The following HLA-B variants were observed in gnomAD, a reference collection of about 807,000 sequenced individuals.
HLA-B encodes the protein major histocompatibility complex, class I, B.
A neutral mutation model predicts 41.5 loss-of-function variants in HLA-B; 31 were observed. The observed-to-expected ratio is 0.75, with a 90% CI of 0.56 to 1.01. HLA-B has a LOEUF of 1.01. Ranked by LOEUF, HLA-B falls within the 50% of genes least tolerant of loss-of-function variation. The pLI is 0.00. For missense variants in HLA-B, 369 were observed against 457.2 expected (o/e 0.81, Z 1.76); for synonymous variants, 138 against 189.0 (o/e 0.73, Z 2.21).
chr6:31,355,085 C>T lies in HLA-B; in HGVS notation c.1012+22G>A, dbSNP rs188332111. 8 of 839,726 alleles carry T rather than the reference C, an allele frequency of 9.5e-6. 1 individual carries two copies. The East Asian group carries it at 2.1e-4, about 22-fold the overall frequency. The allele number at this position is 839,726 out of a possible 1,614,324, so 52.0% of individuals were successfully genotyped here. ...CCAGTGGGACAAGAAAACCCAGACC[C>T]CACCCCTCACCCCTTCCCTACCTGA... On this transcript the variant is annotated intron_variant, in intron 5 of 7. Transcript: ENST00000412585.
In HLA-B at chr6:31,356,431, G is replaced by T. The variant is rs12721829; in HGVS notation, c.355C>A (p.Leu119Ile). The change falls in exon 3 of 8, where the codon CTC becomes ATC. Residue 119 changes from leucine (L) to isoleucine (I), a missense_variant. Coordinates refer to ENST00000412585, the MANE Select transcript of HLA-B (RefSeq NM_005514.8). ...ACGTCGCAGCCGTACATGCTCTGGAGGGTGTGAGACCCTGGCCCCGGCCCC... is the reference window on the plus strand; with the variant it reads ...ACGTCGCAGCCGTACATGCTCTGGATGGTGTGAGACCCTGGCCCCGGCCCC... ...YNQSEAGSHT[L>I]QSMYGCDVGP... The T allele has an allele frequency of 0.049, 38,237 of 782,132 alleles. 3,520 individuals carry two copies. The highest frequency in any genetic ancestry group is 0.23 in the South Asian group (8,356 of 35,876). 48.4% of individuals were successfully genotyped at this position (782,132 alleles called of 1,614,324 possible). A position where few individuals can be genotyped will look rare whatever the true frequency, so the allele number is the denominator to read the frequency against.
chr6:31,355,929 G>C lies in HLA-B; in HGVS notation c.619+238C>G, dbSNP rs1766914478. ...TCCCAAGGCTGCTGCAGGGGTCAAAGGGGACCCCTGATCAGTATTCTAGGG... is the reference window on the plus strand; with the variant it reads ...TCCCAAGGCTGCTGCAGGGGTCAAACGGGACCCCTGATCAGTATTCTAGGG... On this transcript the variant is annotated intron_variant, in intron 3 of 7. Transcript: ENST00000412585. The C allele has an allele frequency of 1.3e-5, 7 of 548,408 alleles. 1 individual carries two copies. The highest frequency in any genetic ancestry group is 2.2e-5 in the Non-Finnish European group (7 of 313,234). 34.0% of individuals were successfully genotyped at this position (548,408 alleles called of 1,614,324 possible). A position where few individuals can be genotyped will look rare whatever the true frequency, so the allele number is the denominator to read the frequency against.
Position 31,355,345 on chromosome 6 carries a change from C to T in HLA-B, c.867G>A (p.Gly289=), listed in dbSNP as rs1340265299. ...QRYTCHVQHE[G]LPKPLTLRWE... ...ATCTCAGGGTGAGGGGCTTCGGCAG[C>T]CCCTCATGCTGTACATGGCATGTGT... The change falls in exon 4 of 8, where the codon GGG becomes GGA. Residue 289 remains glycine (G), a synonymous_variant. Transcript: ENST00000412585. The T allele has an allele frequency of 1.3e-6, 2 of 1,583,346 alleles. No homozygotes were observed. The highest frequency in any genetic ancestry group is 1.7e-6 in the Non-Finnish European group (2 of 1,171,658).
In HLA-B at chr6:31,355,497, G is replaced by A. The variant is rs151341350; in HGVS notation, c.715C>T (p.Leu239=). The change falls in exon 4 of 8, where the codon CTG becomes TTG. Residue 239 remains leucine (L), a synonymous_variant. Coordinates refer to ENST00000412585, the MANE Select transcript of HLA-B (RefSeq NM_005514.8). The stretch of plus-strand genomic sequence containing the variant: ...TCCTCGCCATCCCGCTGCCAGGTCA[G>A]TGTGATCTCCGCAGGGTAGAAACCC... ...ALGFYPAEIT[L]TWQRDGEDQT... 5.9e-6 allele frequency: 9 copies of A among 1,525,652 alleles called. No individual in the cohort carries two copies. The Admixed American group carries it at 1.7e-4, about 29-fold the overall frequency. 94.5% of individuals were successfully genotyped at this position (1,525,652 alleles called of 1,614,324 possible). A position where few individuals can be genotyped will look rare whatever the true frequency, so the allele number is the denominator to read the frequency against.
rs746200003 is a variant in HLA-B, at chr6:31,357,125, G to T, written c.34C>A (p.Leu12Met). Residue 12 changes from leucine (L) to methionine (M), a missense_variant, in exon 1 of 8, where the codon CTG becomes ATG. Physicochemically the swap from Leu to Met is conservative, Grantham distance 15 (BLOSUM62 2). This residue lies in a region of HLA-B where 30 missense variants were observed against 20.9 expected (regional missense o/e 1.44). Transcript: ENST00000412585. ...LVMAPRTVLL[L>M]LSAALALTET... ...GTCAGGGCCAGGGCCGCCGAGAGCA[G>T]CAGGAGGACGGTTCGGGGCGCCATG... The T allele has an allele frequency of 3.4e-6, 3 of 892,642 alleles. 1 individual carries two copies. The highest frequency in any genetic ancestry group is 6.2e-5 in the African/African-American group (2 of 32,518). 55.3% of individuals were successfully genotyped at this position (892,642 alleles called of 1,614,324 possible).
intron 3 of HLA-B, chr6:31,355,817 G>A (rs1766902645): frequency 4.5e-6 from 3 of 666,904 alleles, no homozygotes; most frequent in South Asian, 3.0e-5. Context: ...CTGAGTGGAG[G>A]TAAAGTGACT....
chr6:31,355,731 C>A, intron 3 of HLA-B, 139 bp from the exon 4 acceptor site: 1 of 753,830 alleles, frequency 1.3e-6, no homozygotes, highest in Non-Finnish European at 2.2e-6. Context: ...AGCCTGGACG[C>A]AGGCACCTGG....
chr6:31,355,653 ACC>A, intron 3 of HLA-B, 61 bp from the exon 4 acceptor site: 1 of 1,148,506 alleles, frequency 8.7e-7, no homozygotes, highest in Non-Finnish European at 1.2e-6. Context: ...CCCTAGGACC[ACC>A]CATGTGACCA....
chr6:31,357,170 A>G lies in HLA-B; in HGVS notation c.-12T>C, dbSNP rs1330011808. 46 of 863,464 alleles carry G rather than the reference A, an allele frequency of 5.3e-5. 2 individuals carry two copies. The highest frequency in any genetic ancestry group is 4.8e-4 in the African/African-American group (15 of 31,188). 53.5% of individuals were successfully genotyped at this position (863,464 alleles called of 1,614,324 possible). The stretch of plus-strand genomic sequence containing the variant: ...GCCATGACCAGCATCTCGGCGTCTG[A>G]GGAGACTCTGAGTCCGGGTGGGTGC... On this transcript the variant is annotated 5_prime_UTR_variant, in exon 1 of 8. Transcript: ENST00000412585.
chr6:31,354,406 C>T, intron 7 of HLA-B, 73 bp downstream of exon 7: 1 of 431,600 alleles, frequency 2.3e-6, no homozygotes, highest in Admixed American at 4.2e-5. Context: ...TCCCCATTAC[C>T]CAGGCCTTTC....
At chr6:31,356,658 T>A in intron 2 of HLA-B, 30 bp downstream of exon 2, 1 of 1,479,128 alleles carries the variant, frequency 6.8e-7, no homozygotes, top group South Asian at 1.2e-5. Context: ...TGGGGAGTCG[T>A]GACCTGCGCC....
intron 3 of HLA-B, chr6:31,355,907 C>A (rs150394569): frequency 1.8e-6 from 1 of 555,880 alleles, no homozygotes; most frequent in South Asian, 1.8e-5. Context: ...TCACGGTTCC[C>A]AAGGCTGCTG....
At chr6:31,354,807 AGCAAGTGTGGGTCCTGGACC>A in intron 5 of HLA-B, 142 bp from the exon 6 acceptor site, 1 of 455,564 alleles carries the variant, frequency 2.2e-6, no homozygotes. Flanking sequence ...ACACGAGGAA[AGCAAGTGTGGGTCCTGGACC>A]AACTGCCCTC....
At position 31,356,741 on chromosome 6, in the gene HLA-B, G is replaced by C; in HGVS notation, c.290C>G (p.Thr97Ser). The change falls in exon 2 of 8, where the codon ACT (threonine) becomes AGT (serine). Residue 97 changes from threonine to serine, a missense_variant. Physicochemically the swap from Thr to Ser is moderately conservative, Grantham distance 58. Around this residue, in one of 6 missense-constraint regions of HLA-B, gnomAD observed 113 missense variants for 173.2 expected, o/e 0.65. Transcript: ENST00000412585. Reference sequence around the variant, plus strand: ...CAGGTTCCGCAGGCTCTCTCGGTCAGTCTGTGCCTGGGCCTTGTAGATCTG... The same window carrying C: ...CAGGTTCCGCAGGCTCTCTCGGTCACTCTGTGCCTGGGCCTTGTAGATCTG... ...NTQIYKAQAQTDRESLRNLRG... is the reference protein window; with the variant it reads ...NTQIYKAQAQSDRESLRNLRG... 9.0e-7 allele frequency: 1 copy of C among 1,110,224 alleles called. No individual in the cohort carries two copies. The highest frequency in any genetic ancestry group is 1.2e-6 in the Non-Finnish European group (1 of 848,668). The allele number at this position is 1,110,224 out of a possible 1,614,324, so 68.8% of individuals were successfully genotyped here.
chr6:31,357,000 G>A, intron 1 of HLA-B, 43 bp from the exon 2 acceptor site: 1 of 916,118 alleles, frequency 1.1e-6, no homozygotes, highest in Non-Finnish European at 1.4e-6. Flanking sequence ...CCCTCCTCCC[G>A]GCGCGGCTCC....
chr6:31,356,245 TCCGCTGCTCCG>T lies in HLA-B; in HGVS notation c.530_540del (p.Ala177GlufsTer27). ...ACGCACTCGCCCTCCAGGTAGGCTC[TCCGCTGCTCCG>T]CCTCACGGGCCGCCTCCCACTTGCG... On this transcript the variant is annotated frameshift_variant, in exon 3 of 8. Transcript: ENST00000412585. LOFTEE classifies it high-confidence loss of function. 2 of 1,271,516 alleles carry T rather than the reference TCCGCTGCTCCG, an allele frequency of 1.6e-6. No individual in the cohort carries two copies. Among genetic ancestry groups the T allele is most frequent in the Non-Finnish European group, 2.1e-6 (2 of 964,936 alleles). The allele number at this position is 1,271,516 out of a possible 1,614,324, so 78.8% of individuals were successfully genotyped here. A position where few individuals can be genotyped will look rare whatever the true frequency, so the allele number is the denominator to read the frequency against.
At chr6:31,354,563 G>T (rs3926873) in intron 6 of HLA-B, 37 bp from the exon 7 acceptor site, 38,440 of 1,397,464 alleles carry the variant, frequency 0.028, 1,299 homozygotes, top group Middle Eastern at 0.15. Flanking sequence ...GTCAGAGCCC[G>T]CAGGAGACGT....
intron 2 of HLA-B, 118 bp downstream of exon 2, chr6:31,356,570 T>G (rs1256975922): frequency 2.4e-5 from 26 of 1,104,116 alleles, no homozygotes; most frequent in East Asian, 1.7e-4. Context: ...CGGTCGAGGG[T>G]CTGGGCGGGT....
Position 31,355,397 on chromosome 6 carries a change from A to G in HLA-B, c.815T>C (p.Val272Ala). ...DRTFQKWAAV[V>A]VPSGEEQRYT... The stretch of plus-strand genomic sequence containing the variant: ...TCTCTGCTCTTCTCCAGAAGGCACC[A>G]CCACAGCTGCCCACTTCTGGAAGGT... Residue 272 changes from valine (V) to alanine (A), a missense_variant, in exon 4 of 8, where the codon GTG becomes GCG. Val to Ala is a moderately conservative substitution (Grantham distance 64). Transcript: ENST00000412585. 3 of 1,584,842 alleles carry G rather than the reference A, an allele frequency of 1.9e-6. No homozygotes were observed. The highest frequency in any genetic ancestry group is 2.2e-5 in the South Asian group (2 of 89,804).
Sources: gnomAD v4.1 joint callset for allele counts on GRCh38, gnomAD v4.1.1 for gene constraint, gnomAD v4.1.1 regional missense constraint, MANE v1.5 for transcripts, NCBI Gene and HGNC (gene_info 2026-07-23, HGNC 2026-07-21) for gene names.